THSD7A: variants seen among roughly 807,000 people sequenced by gnomAD.
THSD7A encodes the protein thrombospondin type-1 domain-containing protein 7A.
In THSD7A, 96 loss-of-function variants were observed where a neutral mutation model predicts 231.3. That is an observed-to-expected ratio of 0.41 (90% CI 0.35 to 0.49). The LOEUF (loss-of-function observed/expected upper bound fraction) is 0.49. THSD7A is among the 20% of genes least tolerant of loss of function. THSD7A has a pLI of 0.05. For missense variants in THSD7A, 2,290 were observed against 2,070.2 expected, an observed-to-expected ratio of 1.11 and a Z score of -2.06; for synonymous variants, 940 against 743.3, an observed-to-expected ratio of 1.26 and a Z score of -4.30.
chr7:11,499,447 T>C (rs577439430), intron 6 of THSD7A, among the ~76,000 whole-genome samples: 1 of 152,028 alleles, frequency 6.6e-6, no homozygotes, highest in Non-Finnish European at 1.5e-5. Flanking sequence ...AGCCTAGGAG[T>C]GCCAAGTTGT....
At chr7:11,542,541 G>A (rs1789196974) in intron 5 of THSD7A, among the ~76,000 whole-genome samples, 1 of 152,192 alleles carries the variant, frequency 6.6e-6, no homozygotes, top group Non-Finnish European at 1.5e-5. Flanking sequence ...ACTGAACTAA[G>A]TGCTTTATGT....
At chr7:11,566,369 T>C (rs12540446) in intron 4 of THSD7A, among the ~76,000 whole-genome samples, 34,995 of 152,170 alleles carry the variant, frequency 0.23, 4,541 homozygotes, top group Admixed American at 0.41. Context: ...TTCTCAGAAA[T>C]TCCGATTCAC....
At chr7:11,492,903 C>T (rs1171726190) in intron 6 of THSD7A, among the ~76,000 whole-genome samples, 1 of 152,052 alleles carries the variant, frequency 6.6e-6, no homozygotes. Context: ...CTTTAATCTT[C>T]ATAGTTGTCT....
intron 4 of THSD7A, among the ~76,000 whole-genome samples, chr7:11,547,678 C>T (rs559096962): frequency 6.6e-6 from 1 of 152,106 alleles, no homozygotes; most frequent in Non-Finnish European, 1.5e-5. Flanking sequence ...GACCACAGCA[C>T]AATAAATACA....
chr7:11,442,013 A>T (rs1415279396), intron 13 of THSD7A, among the ~76,000 whole-genome samples: 1 of 152,074 alleles, frequency 6.6e-6, no homozygotes, highest in Non-Finnish European at 1.5e-5. Context: ...CTGCTAAAAA[A>T]TTGTTGCTAT....
intron 1 of THSD7A, among the ~76,000 whole-genome samples, chr7:11,790,326 T>C (rs1170800142): frequency 1.3e-5 from 2 of 151,952 alleles, no homozygotes; most frequent in Non-Finnish European, 2.9e-5. Context: ...ATACTCTATT[T>C]TGCAACATTT....
In THSD7A at chr7:11,395,489, A is replaced by G. The variant is rs148687433; in HGVS notation, c.4411+6306T>C. Among the ~76,000 whole-genome samples, 8 of 152,060 alleles carry G rather than the reference A, an allele frequency of 5.3e-5. No individual in the cohort carries two copies. In the East Asian group the frequency reaches 1.5e-3, roughly 29 times the overall value. On this transcript the variant is annotated intron_variant, in intron 23 of 27. Coordinates refer to ENST00000423059, the MANE Select transcript of THSD7A (RefSeq NM_015204.3). ...AAGGAGACCTAATAGACTTCTACAA[A>G]ACTCTCCACCCCAAATCAACAGAAT...
chr7:11,659,305 A>G (rs1782833020), intron 1 of THSD7A, among the ~76,000 whole-genome samples: 1 of 151,608 alleles, frequency 6.6e-6, no homozygotes, highest in African/African-American at 2.4e-5. Flanking sequence ...CCGAGCGGTC[A>G]GAGAAATCTT....
chr7:11,706,337 G>A (rs1307923982), intron 1 of THSD7A, among the ~76,000 whole-genome samples: 1 of 150,808 alleles, frequency 6.6e-6, no homozygotes, highest in Non-Finnish European at 1.5e-5. Flanking sequence ...TCATTCACAT[G>A]CAAATGACTA....
At chr7:11,467,493 ATAAG>A (rs1458948178) in intron 9 of THSD7A, among the ~76,000 whole-genome samples, 4 of 152,100 alleles carry the variant, frequency 2.6e-5, no homozygotes, top group Admixed American at 1.3e-4. Flanking sequence ...AAGTAATTAA[ATAAG>A]TATTTATACA....
rs1008870740 is a variant in THSD7A, at chr7:11,377,545, T to A, written c.4802-888A>T. On this transcript the variant is annotated intron_variant, in intron 26 of 27. Coordinates refer to ENST00000423059, the MANE Select transcript of THSD7A (RefSeq NM_015204.3). This position sits in a 1 kb window ranked among gnomAD's most constrained non-coding sequence, Gnocchi z 4.5. Reference sequence around the variant, plus strand: ...TATTTGAAAGGCATCAAATGGAAATTGGTACTGTGGAATTTTTTTGCCCGG... The same window carrying A: ...TATTTGAAAGGCATCAAATGGAAATAGGTACTGTGGAATTTTTTTGCCCGG... Among the ~76,000 whole-genome samples, 8 of 152,108 alleles carry A rather than the reference T, an allele frequency of 5.3e-5. No homozygotes were observed. Among genetic ancestry groups the A allele is most frequent in the Admixed American group, 3.3e-4 (5 of 15,240 alleles).
chr7:11,686,692 G>A (rs1004639635), intron 1 of THSD7A, among the ~76,000 whole-genome samples: 5 of 151,850 alleles, frequency 3.3e-5, no homozygotes, highest in African/African-American at 4.8e-5. Flanking sequence ...CAACATGAAT[G>A]CAGCTGGAGG....
At position 11,523,757 on chromosome 7, in the gene THSD7A, GT is replaced by G. The variant is rs1329331212; in HGVS notation, c.1822+17661del. Among the ~76,000 whole-genome samples, 7 of 152,120 alleles carry G rather than the reference GT, an allele frequency of 4.6e-5. No individual in the cohort carries two copies. In the East Asian group the frequency reaches 1.4e-3, roughly 29 times the overall value. ...AGAATATACTGGTCTGTTGTACGTA[GT>G]AATTACTAGAATAATAGATTTTAAC... On this transcript the variant is annotated intron_variant, in intron 6 of 27. Transcript: ENST00000423059.
chr7:11,599,707 G>A (rs1372703764), intron 2 of THSD7A, among the ~76,000 whole-genome samples: 3 of 152,208 alleles, frequency 2.0e-5, no homozygotes, highest in Admixed American at 2.0e-4. Flanking sequence ...AGATGTGTAT[G>A]GGTTCAAGTT....
At chr7:11,488,740 G>A (rs12536515) in intron 6 of THSD7A, among the ~76,000 whole-genome samples, 20,238 of 151,906 alleles carry the variant, frequency 0.13, 1,501 homozygotes, top group Middle Eastern at 0.19. Context: ...ATATATATTA[G>A]CTGAAAACCA....
chr7:11,700,602 T>C lies in THSD7A; in HGVS notation c.191-63641A>G, dbSNP rs543080289. Among the ~76,000 whole-genome samples, 12 of 151,238 alleles carry C rather than the reference T, an allele frequency of 7.9e-5. 1 individual carries two copies. Among genetic ancestry groups the C allele is most frequent in the Non-Finnish European group, 1.8e-4 (12 of 67,488 alleles). On this transcript the variant is annotated intron_variant, in intron 1 of 27. Coordinates refer to ENST00000423059, the MANE Select transcript of THSD7A (RefSeq NM_015204.3). Reference sequence around the variant, plus strand: ...TAAAATTGTAGTTGGAGTGTTTTCATGTTTTGTTCATTTACATATAGTCCC... The same window carrying C: ...TAAAATTGTAGTTGGAGTGTTTTCACGTTTTGTTCATTTACATATAGTCCC...
intron 1 of THSD7A, among the ~76,000 whole-genome samples, chr7:11,775,473 C>T (rs1037233300): frequency 2.0e-5 from 3 of 152,072 alleles, no homozygotes; most frequent in Non-Finnish European, 4.4e-5. Context: ...TATGGATAAA[C>T]AAAACGTGGT....
At chr7:11,642,928 C>T (rs1782140183) in intron 1 of THSD7A, among the ~76,000 whole-genome samples, 1 of 152,054 alleles carries the variant, frequency 6.6e-6, no homozygotes, top group Admixed American at 6.6e-5. Context: ...CCATATTCAA[C>T]ATTGACTTCT....
intron 16 of THSD7A, among the ~76,000 whole-genome samples, chr7:11,422,224 A>G (rs1784168864): frequency 6.6e-6 from 1 of 152,146 alleles, no homozygotes; most frequent in Non-Finnish European, 1.5e-5. Flanking sequence ...AAGTCAGTGA[A>G]AAAAATATCC....
Sources: gnomAD v4.1 joint callset for allele counts (sites outside exome capture counted in the v4.1 genomes callset) on GRCh38, gnomAD v4.1.1 for gene constraint, Gnocchi (gnomAD v3.1) non-coding constraint, MANE v1.5 for transcripts, NCBI Gene and HGNC (gene_info 2026-07-23, HGNC 2026-07-21) for gene names.